The following SUCLG2 variants were observed in gnomAD, a reference collection of about 807,000 sequenced individuals.
SUCLG2 encodes succinate--CoA ligase [GDP-forming] subunit beta, mitochondrial.
In SUCLG2, 42 loss-of-function variants were observed where a neutral mutation model predicts 47.9. That is an observed-to-expected ratio of 0.88 (90% CI 0.69 to 1.14). The LOEUF is 1.14. SUCLG2 is among the 50% of genes most tolerant of loss of function. SUCLG2 has a pLI of 0.00. For missense variants in SUCLG2, 571 were observed against 525.9 expected (o/e 1.09, Z -0.84); for synonymous variants, 195 against 197.3 (o/e 0.99, Z 0.10).
intron 10 of SUCLG2, among the ~76,000 whole-genome samples, chr3:67,383,001 T>G (rs188236310): frequency 1.3e-5 from 2 of 152,318 alleles, no homozygotes; most frequent in East Asian, 3.9e-4. Context: ...AGATAACTTT[T>G]CATGTCTCTT....
chr3:67,454,591 G>C (rs1372173573), intron 9 of SUCLG2, among the ~76,000 whole-genome samples: 1 of 152,060 alleles, frequency 6.6e-6, no homozygotes, highest in Admixed American at 6.6e-5. Context: ...ATTTCATACT[G>C]AGTGGCCTAC....
At position 67,608,234 on chromosome 3, in the gene SUCLG2, C is replaced by T. The variant is rs546828557; in HGVS notation, c.226+1221G>A. ...TTCTAAGGGACTTAAAGAAGGATGT[C>T]GACAACTGACTCACCCTGCAAAGGC... On this transcript the variant is annotated intron_variant, in intron 2 of 10. Coordinates refer to ENST00000307227, the MANE Select transcript of SUCLG2 (RefSeq NM_003848.4). Among the ~76,000 whole-genome samples, 3 of 152,180 alleles carry T rather than the reference C, an allele frequency of 2.0e-5. No individual in the cohort carries two copies. The South Asian group carries it at 6.2e-4, about 32-fold the overall frequency.
intron 2 of SUCLG2, among the ~76,000 whole-genome samples, chr3:67,567,809 T>C (rs745698042): frequency 6.6e-6 from 1 of 152,224 alleles, no homozygotes; most frequent in Admixed American, 6.5e-5. Flanking sequence ...CTGTCTTCTT[T>C]ATTTATATAC....
chr3:67,538,688 TA>T (rs1706614782), intron 2 of SUCLG2, among the ~76,000 whole-genome samples: 1 of 152,208 alleles, frequency 6.6e-6, no homozygotes, highest in Non-Finnish European at 1.5e-5. Context: ...TTCCTATCCA[TA>T]AGCATGGAAT....
chr3:67,538,184 A>AGGGTTTTGATCGTTTT (rs1466362515), intron 2 of SUCLG2, among the ~76,000 whole-genome samples: 1 of 152,086 alleles, frequency 6.6e-6, no homozygotes, highest in East Asian at 1.9e-4. Context: ...GCTTTCTTGT[A>AGGGTTTTGATCGTTTT]GGGTTTTGAT....
intron 3 of SUCLG2, among the ~76,000 whole-genome samples, chr3:67,528,591 T>A (rs1290911145): frequency 6.6e-6 from 1 of 151,490 alleles, no homozygotes; most frequent in African/African-American, 2.4e-5. Flanking sequence ...AGGAAGAGGG[T>A]AAAGATCAAA....
intron 1 of SUCLG2, among the ~76,000 whole-genome samples, chr3:67,637,511 T>A (rs1701030117): frequency 6.6e-6 from 1 of 152,190 alleles, no homozygotes; most frequent in South Asian, 2.1e-4. Flanking sequence ...GTGAGGGCAA[T>A]TTACTGACTT....
At chr3:67,406,720 C>T (rs1227733149) in intron 9 of SUCLG2, among the ~76,000 whole-genome samples, 2 of 152,164 alleles carry the variant, frequency 1.3e-5, no homozygotes, top group Non-Finnish European at 2.9e-5. Flanking sequence ...CAGAGTCTCA[C>T]AGAGCAAACG....
At chr3:67,626,357 C>T (rs1700829660) in intron 1 of SUCLG2, among the ~76,000 whole-genome samples, 1 of 151,606 alleles carries the variant, frequency 6.6e-6, no homozygotes, top group Non-Finnish European at 1.5e-5. Context: ...GGGCAACCAT[C>T]AAAATGATCA....
chr3:67,454,961 C>CAAAAAAA (rs61683854), intron 9 of SUCLG2, among the ~76,000 whole-genome samples: 3 of 111,592 alleles, frequency 2.7e-5, no homozygotes, highest in African/African-American at 7.2e-5. Flanking sequence ...GACTCCGTCT[C>CAAAAAAA]AAAAAAAAAA....
intron 1 of SUCLG2, among the ~76,000 whole-genome samples, chr3:67,634,518 A>T (rs940374230): frequency 1.3e-5 from 2 of 152,224 alleles, no homozygotes; most frequent in African/African-American, 2.4e-5. Flanking sequence ...TCATCATTTC[A>T]TTCTAATTAA....
At position 67,498,507 on chromosome 3, in the gene SUCLG2, T is replaced by C. The variant is rs530677374; in HGVS notation, c.758-212A>G. Among the ~76,000 whole-genome samples, 183 of 152,314 alleles carry C rather than the reference T, an allele frequency of 1.2e-3. 1 individual carries two copies. The highest frequency in any genetic ancestry group is 2.0e-3 in the Non-Finnish European group (136 of 68,024). On this transcript the variant is annotated intron_variant, in intron 7 of 10. Transcript: ENST00000307227. The stretch of plus-strand genomic sequence containing the variant: ...GGGACTTACGTTCTAGTAAAGAACA[T>C]AGTAATTTCTACCTGTTGTTCTCAT...
rs11544843 is a variant in SUCLG2 at position 67,375,073 on chromosome 3, T to C, written c.*671A>G. On this transcript the variant is annotated 3_prime_UTR_variant, in exon 11 of 11. Transcript: ENST00000307227. Reference sequence around the variant, plus strand: ...ATCACAAATAAGGCTTCTGGTTTTCTTTTTAGTGTGAGGTAAACAGTATAT... The same window carrying C: ...ATCACAAATAAGGCTTCTGGTTTTCCTTTTAGTGTGAGGTAAACAGTATAT... 7 of 985,808 alleles carry C rather than the reference T, an allele frequency of 7.1e-6. No individual in the cohort carries two copies. The highest frequency in any genetic ancestry group is 8.4e-6 in the Non-Finnish European group (7 of 829,890). 61.1% of individuals were successfully genotyped at this position (985,808 alleles called of 1,614,324 possible). A position where few individuals can be genotyped will look rare whatever the true frequency, so the allele number is the denominator to read the frequency against.
intron 9 of SUCLG2, among the ~76,000 whole-genome samples, chr3:67,486,057 G>T (rs567423395): frequency 6.6e-6 from 1 of 152,274 alleles, no homozygotes; most frequent in African/African-American, 2.4e-5. Context: ...GATCGCTTGA[G>T]CCCAGGAGTT....
At chr3:67,504,496 C>T (rs1457627149) in intron 7 of SUCLG2, among the ~76,000 whole-genome samples, 2 of 152,224 alleles carry the variant, frequency 1.3e-5, no homozygotes, top group Non-Finnish European at 2.9e-5. Context: ...AATTGGATCT[C>T]ATTCCTTTGG....
intron 2 of SUCLG2, among the ~76,000 whole-genome samples, chr3:67,589,576 C>G (rs1348032324): frequency 3.3e-5 from 5 of 152,202 alleles, no homozygotes; most frequent in African/African-American, 9.6e-5. Flanking sequence ...AAGGGATTGT[C>G]CAGAGCCTAT....
chr3:67,634,621 T>C (rs537857442), intron 1 of SUCLG2, among the ~76,000 whole-genome samples: 1 of 152,304 alleles, frequency 6.6e-6, no homozygotes, highest in Middle Eastern at 3.4e-3. Flanking sequence ...AGAATCTAAC[T>C]CATCTGGATA....
At chr3:67,518,765 A>G (rs1706019646) in intron 5 of SUCLG2, among the ~76,000 whole-genome samples, 1 of 152,216 alleles carries the variant, frequency 6.6e-6, no homozygotes, top group Non-Finnish European at 1.5e-5. Context: ...GATGATAATT[A>G]TTACTGTTAC....
chr3:67,475,306 G>T (rs1334895899), intron 9 of SUCLG2, among the ~76,000 whole-genome samples: 1 of 152,128 alleles, frequency 6.6e-6, no homozygotes, highest in Non-Finnish European at 1.5e-5. Context: ...TTTTTCATTT[G>T]TAAGAAAACT....
Sources: gnomAD v4.1 joint callset for allele counts (sites outside exome capture counted in the v4.1 genomes callset) on GRCh38, gnomAD v4.1.1 for gene constraint, MANE v1.5 for transcripts, NCBI Gene and HGNC (gene_info 2026-07-23, HGNC 2026-07-21) for gene names.